The following CFH variants were observed in gnomAD, a reference collection of about 807,000 sequenced individuals.
CFH encodes the protein complement factor H.
CFH carries 53 observed loss-of-function variants against 147.3 expected under a neutral mutation model. The observed-to-expected ratio is 0.36, with a 90% CI of 0.29 to 0.45. The LOEUF (loss-of-function observed/expected upper bound fraction) is 0.45. Among genes scored for constraint, CFH ranks in the 20% least tolerant of loss-of-function variants. The pLI is 1.00. For synonymous variants in CFH, 536 were observed against 489.4 expected (o/e 1.10, Z -1.26); for missense variants, 1,380 against 1,498.0 (o/e 0.92, Z 1.30).
chr1:196,663,687 G>A (rs1388256400), intron 1 of CFH, among the ~76,000 whole-genome samples: 1 of 152,106 alleles, frequency 6.6e-6, no homozygotes, highest in East Asian at 1.9e-4. Flanking sequence ...TTTTCTGGGT[G>A]GCTAGAAGAA....
intron 19 of CFH, among the ~76,000 whole-genome samples, chr1:196,743,068 C>T (rs1049615450): frequency 1.4e-4 from 21 of 152,078 alleles, no homozygotes; most frequent in African/African-American, 4.3e-4. Context: ...TCTGGTATCA[C>T]ATAATCTATT....
intron 9 of CFH, among the ~76,000 whole-genome samples, chr1:196,697,687 T>A (rs1668319174): frequency 6.6e-6 from 1 of 152,116 alleles, no homozygotes; most frequent in African/African-American, 2.4e-5. Flanking sequence ...ATCATGCTGC[T>A]ATAAAGACAC....
intron 1 of CFH, 135 bp from the exon 2 acceptor site, chr1:196,672,843 G>GGA (rs55759441): frequency 0.025 from 14,758 of 602,190 alleles, 451 homozygotes; most frequent in African/African-American, 0.13. Context: ...TATGGGGTTA[G>GGA]GAGAGAGAGA....
intron 7 of CFH, among the ~76,000 whole-genome samples, chr1:196,687,728 A>G (rs1216788337): frequency 6.6e-6 from 1 of 152,124 alleles, no homozygotes; most frequent in Non-Finnish European, 1.5e-5. Context: ...CCAATGGTAA[A>G]TAGAAAATAT....
chr1:196,662,998 C>G (rs188161718), intron 1 of CFH, among the ~76,000 whole-genome samples: 1 of 152,042 alleles, frequency 6.6e-6, no homozygotes, highest in Non-Finnish European at 1.5e-5. Flanking sequence ...TACCTGGTGG[C>G]GTCTGCTATT....
chr1:196,692,765 T>TTCC lies in CFH; in HGVS notation c.1336+2526_1336+2527insTCC, dbSNP rs1490488246. On this transcript the variant is annotated intron_variant, in intron 9 of 21. Transcript: ENST00000367429. ...CTTTCTTTTTCTTTCTTTCTTTCTT[T>TTCC]CTTTCTTTCTTTCTTTCTTTCTTTC... is the stretch of plus-strand genomic sequence containing the variant. Among the ~76,000 whole-genome samples, 107 of 42,988 alleles carry TTCC rather than the reference T, an allele frequency of 2.5e-3. 1 individual carries two copies. Among genetic ancestry groups the TTCC allele is most frequent in the African/African-American group, 0.011 (90 of 8,310 alleles). The allele number at this position is 42,988 out of a possible 152,430, so 28.2% of individuals were successfully genotyped here.
chr1:196,730,023 T>TA (rs891063884), intron 15 of CFH, among the ~76,000 whole-genome samples: 23 of 151,106 alleles, frequency 1.5e-4, no homozygotes, highest in South Asian at 2.1e-4. Context: ...TTTGATTATC[T>TA]AAAAAAAAAC....
chr1:196,695,111 GT>G (rs1257859862), intron 9 of CFH, among the ~76,000 whole-genome samples: 2 of 152,076 alleles, frequency 1.3e-5, no homozygotes, highest in East Asian at 1.9e-4. Context: ...TACTGCCTAG[GT>G]TTTTTTCTAT....
intron 1 of CFH, among the ~76,000 whole-genome samples, chr1:196,653,200 T>G (rs936751863): frequency 1.3e-5 from 2 of 151,792 alleles, no homozygotes; most frequent in Admixed American, 6.6e-5. Flanking sequence ...TTAAAAAATA[T>G]TCAAATATGT....
At chr1:196,714,565 T>C (rs1383155226) in intron 10 of CFH, among the ~76,000 whole-genome samples, 1 of 145,426 alleles carries the variant, frequency 6.9e-6, no homozygotes, top group Non-Finnish European at 1.5e-5. Context: ...TTGGTTCAAT[T>C]TGTCTTATTT....
intron 9 of CFH, among the ~76,000 whole-genome samples, chr1:196,701,899 C>G (rs1306692418): frequency 6.6e-6 from 1 of 152,030 alleles, no homozygotes; most frequent in East Asian, 1.9e-4. Flanking sequence ...ACCTTAATAC[C>G]CACTGGATTT....
At chr1:196,670,476 C>A (rs1413099331) in intron 1 of CFH, among the ~76,000 whole-genome samples, 1 of 152,130 alleles carries the variant, frequency 6.6e-6, no homozygotes, top group Non-Finnish European at 1.5e-5. Flanking sequence ...TTCTCCTATG[C>A]TATTCTCGTG....
At chr1:196,712,347 T>C (rs1287458134) in intron 9 of CFH, among the ~76,000 whole-genome samples, 1 of 151,600 alleles carries the variant, frequency 6.6e-6, no homozygotes, top group Admixed American at 6.6e-5. Context: ...TTTTGTCTGG[T>C]TTCTTTGTTA....
chr1:196,746,791 T>C (rs1245571680), intron 21 of CFH, among the ~76,000 whole-genome samples: 6 of 152,202 alleles, frequency 3.9e-5, no homozygotes, highest in Non-Finnish European at 7.3e-5. Context: ...TAGCTGAAAG[T>C]TTGTACTCTT....
At chr1:196,697,753 C>G (rs912124539) in intron 9 of CFH, among the ~76,000 whole-genome samples, 3 of 151,994 alleles carry the variant, frequency 2.0e-5, no homozygotes, top group Non-Finnish European at 2.9e-5. Flanking sequence ...TTGGAACCAA[C>G]CCAAATGTCC....
chr1:196,659,070 T>TTTTAAGA (rs1666815616), intron 1 of CFH, among the ~76,000 whole-genome samples: 1 of 150,316 alleles, frequency 6.7e-6, no homozygotes, highest in Non-Finnish European at 1.5e-5. Context: ...GCTATTTCTT[T>TTTTAAGA]TAGTTTTAAG....
chr1:196,655,064 T>A (rs912258424), intron 1 of CFH, among the ~76,000 whole-genome samples: 2 of 152,140 alleles, frequency 1.3e-5, no homozygotes, highest in African/African-American at 4.8e-5. Context: ...TTTCAACCAA[T>A]CTGTCATTTA....
chr1:196,657,231 T>G (rs1029691248), intron 1 of CFH, among the ~76,000 whole-genome samples: 5 of 152,232 alleles, frequency 3.3e-5, no homozygotes, highest in Non-Finnish European at 5.9e-5. Flanking sequence ...TAAACAATTC[T>G]TTACTCTGTT....
chr1:196,680,084 T>C (rs1667598531), intron 6 of CFH, among the ~76,000 whole-genome samples: 1 of 151,824 alleles, frequency 6.6e-6, no homozygotes, highest in Admixed American at 6.6e-5. Context: ...TATAATAGAC[T>C]TCCTAATTCT....
Sources: gnomAD v4.1 joint callset for allele counts (sites outside exome capture counted in the v4.1 genomes callset) on GRCh38, gnomAD v4.1.1 for gene constraint, MANE v1.5 for transcripts, NCBI Gene and HGNC (gene_info 2026-07-23, HGNC 2026-07-21) for gene names.